EXOC6B: variants seen among roughly 807,000 people sequenced by gnomAD.
The protein encoded by EXOC6B is SEC15 homolog B.
EXOC6B carries 54 observed loss-of-function variants against 113.5 expected under a neutral mutation model. That is an observed-to-expected ratio of 0.48 (90% CI 0.38 to 0.60). The LOEUF (loss-of-function observed/expected upper bound fraction) is 0.60. EXOC6B is among the 20% of genes least tolerant of loss of function. The probability of loss-of-function intolerance (pLI) is 0.00; values close to 1 mark genes in which losing one functional copy is unlikely to be tolerated. For synonymous variants in EXOC6B, 357 were observed against 339.0 expected, an observed-to-expected ratio of 1.05 and a Z score of -0.58; for missense variants, 797 against 977.5, an observed-to-expected ratio of 0.82 and a Z score of 2.46.
At chr2:72,747,280 A>G (rs759691306) in intron 1 of EXOC6B, among the ~76,000 whole-genome samples, 22 of 152,052 alleles carry the variant, frequency 1.4e-4, no homozygotes, top group Non-Finnish European at 4.4e-5. Context: ...TCAGTGACAC[A>G]CTTATCTCAC....
chr2:72,252,667 G>A (rs1393810399), intron 20 of EXOC6B, among the ~76,000 whole-genome samples: 1 of 152,144 alleles, frequency 6.6e-6, no homozygotes, highest in East Asian at 1.9e-4. Flanking sequence ...TGTGAGGAAT[G>A]AATGAATAAT....
intron 20 of EXOC6B, among the ~76,000 whole-genome samples, chr2:72,209,243 A>AAAAAAAG (rs1680029575): frequency 9.0e-6 from 1 of 110,674 alleles, no homozygotes. Flanking sequence ...AAAAAAAAAA[A>AAAAAAAG]AAAAGAAAAG....
At chr2:72,243,016 G>A (rs1214328661) in intron 20 of EXOC6B, among the ~76,000 whole-genome samples, 1 of 152,132 alleles carries the variant, frequency 6.6e-6, no homozygotes, top group African/African-American at 2.4e-5. Flanking sequence ...ATGAGCCACT[G>A]TGCCTGGCCA....
intron 18 of EXOC6B, among the ~76,000 whole-genome samples, chr2:72,423,329 G>C (rs913797313): frequency 6.6e-6 from 1 of 152,220 alleles, no homozygotes; most frequent in Admixed American, 6.5e-5. Context: ...AACACTCACC[G>C]CGAGGGTCCG....
chr2:72,364,990 C>T (rs1690532158), intron 19 of EXOC6B, among the ~76,000 whole-genome samples: 10 of 152,068 alleles, frequency 6.6e-5, no homozygotes, highest in Admixed American at 6.6e-4. Context: ...TTTAGCCAAT[C>T]ATTATGTTTT....
chr2:72,814,745 A>C (rs1269811722), intron 1 of EXOC6B, among the ~76,000 whole-genome samples: 1 of 152,056 alleles, frequency 6.6e-6, no homozygotes. Flanking sequence ...TAATCCCAGC[A>C]CTTTGGGAGG....
At position 72,382,513 on chromosome 2, in the gene EXOC6B, G is replaced by A. The variant is rs1408792552; in HGVS notation, c.1981-2643C>T. Among the ~76,000 whole-genome samples, 6 of 152,162 alleles carry A rather than the reference G, an allele frequency of 3.9e-5. No homozygotes were observed. The East Asian group carries it at 9.7e-4, about 24-fold the overall frequency. ...TTGCTTAGGATTGCCTTGGCTATTC[G>A]GGGTCTTTTTTGGTTCTATATACAT... On this transcript the variant is annotated intron_variant, in intron 18 of 21. Coordinates refer to ENST00000272427, the MANE Select transcript of EXOC6B (RefSeq NM_015189.3).
chr2:72,657,484 G>A (rs1374220345), intron 6 of EXOC6B, among the ~76,000 whole-genome samples: 2 of 150,288 alleles, frequency 1.3e-5, no homozygotes, highest in Admixed American at 6.6e-5. Flanking sequence ...CGTCTGCCTC[G>A]GTCTCCCAAA....
At chr2:72,321,621 A>C (rs897317634) in intron 20 of EXOC6B, among the ~76,000 whole-genome samples, 4 of 152,056 alleles carry the variant, frequency 2.6e-5, no homozygotes, top group African/African-American at 9.7e-5. Context: ...AAGAAGAGAA[A>C]ATTAAAAGTA....
intron 19 of EXOC6B, among the ~76,000 whole-genome samples, chr2:72,360,028 G>T (rs1320752386): frequency 7.9e-5 from 12 of 151,932 alleles, no homozygotes; most frequent in Admixed American, 7.2e-4. Context: ...CATGCTTCTT[G>T]TACAGCTTGC....
At chr2:72,324,444 A>G (rs185133737) in intron 20 of EXOC6B, among the ~76,000 whole-genome samples, 46 of 152,288 alleles carry the variant, frequency 3.0e-4, no homozygotes, top group Middle Eastern at 3.4e-3. Flanking sequence ...CCTGACTTTC[A>G]TCTGGATACC....
intron 1 of EXOC6B, among the ~76,000 whole-genome samples, chr2:72,794,144 T>C (rs1684824210): frequency 6.6e-6 from 1 of 152,228 alleles, no homozygotes; most frequent in African/African-American, 2.4e-5. Context: ...TGCTAAATAG[T>C]TCCCCTTGTA....
chr2:72,211,440 T>A (rs1680182168), intron 20 of EXOC6B, among the ~76,000 whole-genome samples: 1 of 152,200 alleles, frequency 6.6e-6, no homozygotes, highest in South Asian at 2.1e-4. Context: ...AGCTCAGGAC[T>A]AAGGCTGGGC....
intron 8 of EXOC6B, among the ~76,000 whole-genome samples, chr2:72,551,848 A>G (rs1703251933): frequency 6.6e-6 from 1 of 152,194 alleles, no homozygotes; most frequent in South Asian, 2.1e-4. Flanking sequence ...GATGAGATAC[A>G]ATGCGGTCAT....
At chr2:72,677,709 A>G (rs1421462409) in intron 6 of EXOC6B, among the ~76,000 whole-genome samples, 2 of 152,254 alleles carry the variant, frequency 1.3e-5, no homozygotes, top group African/African-American at 2.4e-5. Flanking sequence ...AAGTAATTTC[A>G]TCAACAAAGT....
intron 19 of EXOC6B, among the ~76,000 whole-genome samples, chr2:72,335,548 GCACACA>G (rs70963124): frequency 0.085 from 11,485 of 134,708 alleles, 492 homozygotes; most frequent in Admixed American, 0.12. Context: ...CTGCATTATT[GCACACA>G]CACACACACA....
intron 19 of EXOC6B, among the ~76,000 whole-genome samples, chr2:72,370,642 GA>G: frequency 6.6e-6 from 1 of 152,298 alleles, no homozygotes; most frequent in South Asian, 2.1e-4. Flanking sequence ...GCTGGATCAA[GA>G]AAAGTTGGCA....
chr2:72,190,524 CCCT>C (rs1678760692), intron 20 of EXOC6B, among the ~76,000 whole-genome samples: 1 of 152,140 alleles, frequency 6.6e-6, no homozygotes, highest in Non-Finnish European at 1.5e-5. Flanking sequence ...AAGTATTACT[CCCT>C]CCTCATCCCA....
rs534690393 is a variant in EXOC6B, at chr2:72,178,330, A to C, written c.*1005T>G. 1 of 152,368 alleles carries C rather than the reference A, an allele frequency of 6.6e-6. No individual in the cohort carries two copies. Among genetic ancestry groups the C allele is most frequent in the African/African-American group, 2.4e-5 (1 of 41,592 alleles). 9.4% of individuals were successfully genotyped at this position (152,368 alleles called of 1,614,324 possible). On this transcript the variant is annotated 3_prime_UTR_variant, in exon 22 of 22. Transcript: ENST00000272427. The stretch of plus-strand genomic sequence containing the variant: ...TGATAACCAAAAAGCTGGTTTTAAA[A>C]CATAAAGGAACAATCCCAACTAATC...
Sources: allele counts gnomAD v4.1 joint callset (sites outside exome capture counted in the v4.1 genomes callset), GRCh38; gene constraint gnomAD v4.1.1; transcripts MANE v1.5; gene names NCBI Gene and HGNC (gene_info 2026-07-23, HGNC 2026-07-21).